Variants in ATP2B4 observed in about 807,000 individuals in gnomAD.
The protein encoded by ATP2B4 is ATPase plasma membrane Ca2+ transporting 4.
Under a neutral mutation model 110.3 loss-of-function variants are expected in ATP2B4, and 39 were observed. The observed-to-expected ratio is 0.35, with a 90% CI of 0.27 to 0.46. The LOEUF is 0.46. Among genes scored for constraint, ATP2B4 ranks in the 20% least tolerant of loss-of-function variants. The probability of loss-of-function intolerance (pLI) is 1.00; values close to 1 mark genes in which losing one functional copy is unlikely to be tolerated. For synonymous variants in ATP2B4, 538 were observed against 571.7 expected (o/e 0.94, Z 0.84); for missense variants, 1,135 against 1,530.9 (o/e 0.74, Z 4.32).
chr1:203,678,392 C>CT (rs35598967), intron 1 of ATP2B4, among the ~76,000 whole-genome samples: 7,942 of 100,152 alleles, frequency 0.079, 851 homozygotes, highest in African/African-American at 0.19. Context: ...TTTCTAGAGG[C>CT]TTTTTTTTTT....
At chr1:203,676,121 G>A (rs1368806852) in intron 1 of ATP2B4, among the ~76,000 whole-genome samples, 1 of 152,166 alleles carries the variant, frequency 6.6e-6, no homozygotes, top group African/African-American at 2.4e-5. Flanking sequence ...CTTGGGTGTG[G>A]CTGTCGGATG....
intron 1 of ATP2B4, among the ~76,000 whole-genome samples, chr1:203,679,038 G>C (rs1664916921): frequency 6.6e-6 from 1 of 152,008 alleles, no homozygotes; most frequent in Admixed American, 6.6e-5. Context: ...GAAGAGATGA[G>C]AGAGTTAGCT....
rs539238173 is a variant in ATP2B4, at chr1:203,677,830, G to A, written c.-464-4912G>A. On this transcript the variant is annotated intron_variant, in intron 1 of 20. Coordinates refer to ENST00000357681, the MANE Select transcript of ATP2B4 (RefSeq NM_001684.5). ...GGGACCAGGCTGCTTCCCCTCTCCA[G>A]AGGTCTTCCCTTCCTCACTCATCAA... 3.9e-4 allele frequency among the ~76,000 whole-genome samples: 60 copies of A among 152,326 alleles called. No individual in the cohort carries two copies. The Middle Eastern group carries it at 0.017, about 43-fold the overall frequency.
intron 11 of ATP2B4, 88 bp downstream of exon 11, chr1:203,709,630 G>A (rs1266429857): frequency 6.3e-7 from 1 of 1,574,888 alleles, no homozygotes; most frequent in Non-Finnish European, 8.6e-7. Flanking sequence ...CCATGTGAAT[G>A]AGGGAGCCCT....
chr1:203,723,895 A>G lies in ATP2B4; in HGVS notation c.3039A>G (p.Glu1013=). The G allele has an allele frequency of 6.2e-7, 1 of 1,606,436 alleles. No homozygotes were observed. The highest frequency in any genetic ancestry group is 1.7e-4 in the Middle Eastern group (1 of 6,042). Residue 1013 remains glutamate, a synonymous_variant, in exon 19 of 21, where the codon GAA becomes GAG. Transcript: ENST00000357681. ...GTFICQIFIV[E]FGGKPFSCTS... ...CTCTGTTCTAGATTTTCATCGTGGAATTTGGGGGTAAACCCTTCAGTTGTA... is the reference window on the plus strand; with the variant it reads ...CTCTGTTCTAGATTTTCATCGTGGAGTTTGGGGGTAAACCCTTCAGTTGTA...
intron 17 of ATP2B4, among the ~76,000 whole-genome samples, chr1:203,721,935 A>G (rs943879643): frequency 6.6e-6 from 1 of 152,114 alleles, no homozygotes; most frequent in Non-Finnish European, 1.5e-5. Context: ...TGCTGGGATT[A>G]CAGGCATGAG....
In ATP2B4 at chr1:203,721,335, T is replaced by C. The variant is rs759047656; in HGVS notation, c.2737T>C (p.Ser913Pro). 6.2e-7 allele frequency: 1 copy of C among 1,614,192 alleles called. No homozygotes were observed. Among genetic ancestry groups the C allele is most frequent in the Non-Finnish European group, 8.5e-7 (1 of 1,180,032 alleles). ...CTATGGCCGAAATAAGCCTCTGATC[T>C]CACGCACTATGATGAAGAACATCTT... Reference protein sequence around the residue: ...RPYGRNKPLISRTMMKNILGH... With the variant: ...RPYGRNKPLIPRTMMKNILGH... Residue 913 changes from serine (S) to proline (P), a missense_variant, in exon 17 of 21, where the codon TCA becomes CCA. This residue lies in a region of ATP2B4 where 155 missense variants were observed against 186.2 expected (regional missense o/e 0.83). Transcript: ENST00000357681.
rs1201292620 is a variant in ATP2B4 at position 203,677,746 on chromosome 1, G to A, written c.-464-4996G>A. 3.3e-5 allele frequency among the ~76,000 whole-genome samples: 5 copies of A among 152,324 alleles called. No individual in the cohort carries two copies. The East Asian group carries it at 9.6e-4, about 29-fold the overall frequency. Reference sequence around the variant, plus strand: ...CCCAAAGTGCTGGGATTACAAGCATGAGCCACCGCACCCGGCCCTGAAGCA... The same window carrying A: ...CCCAAAGTGCTGGGATTACAAGCATAAGCCACCGCACCCGGCCCTGAAGCA... On this transcript the variant is annotated intron_variant, in intron 1 of 20. Coordinates refer to ENST00000357681, the MANE Select transcript of ATP2B4 (RefSeq NM_001684.5).
intron 17 of ATP2B4, among the ~76,000 whole-genome samples, chr1:203,721,830 T>C (rs1298520758): frequency 6.6e-6 from 1 of 151,894 alleles, no homozygotes; most frequent in Non-Finnish European, 1.5e-5. Context: ...ACCCGGCTAC[T>C]TTTTGTATTT....
chr1:203,726,269 A>G (rs935117581), intron 19 of ATP2B4, among the ~76,000 whole-genome samples: 12 of 151,888 alleles, frequency 7.9e-5, no homozygotes, highest in African/African-American at 1.7e-4. Flanking sequence ...GGGTCTCACT[A>G]TGTTGCCAGG....
chr1:203,701,927 C>T (rs575807808), intron 6 of ATP2B4, 117 bp from the exon 7 acceptor site: 1 of 1,000,694 alleles, frequency 1.0e-6, no homozygotes, highest in East Asian at 2.5e-5. Context: ...ATGTCCCTTC[C>T]CTGCAACCCA....
intron 15 of ATP2B4, among the ~76,000 whole-genome samples, chr1:203,720,017 A>G (rs1380012067): frequency 6.6e-6 from 1 of 152,194 alleles, no homozygotes. Context: ...GCTTGCATTT[A>G]GCTGAGATCC....
chr1:203,638,418 G>A (rs1315568405), intron 1 of ATP2B4, among the ~76,000 whole-genome samples: 1 of 152,158 alleles, frequency 6.6e-6, no homozygotes, highest in Non-Finnish European at 1.5e-5. Flanking sequence ...GCACTCGTAC[G>A]ACATCTGTTA....
At position 203,725,355 on chromosome 1, in the gene ATP2B4, G is replaced by C. The variant is rs569659162; in HGVS notation, c.3132+1367G>C. Among the ~76,000 whole-genome samples, 3 of 152,178 alleles carry C rather than the reference G, an allele frequency of 2.0e-5. No individual in the cohort carries two copies. The East Asian group carries it at 5.8e-4, about 29-fold the overall frequency. ...GTAGAGACAGGGTTTCACCATGTTG[G>C]CTAGGCTGGTCTCAAACTCCTGATC... is the stretch of plus-strand genomic sequence containing the variant. On this transcript the variant is annotated intron_variant, in intron 19 of 20. Transcript: ENST00000357681.
chr1:203,700,289 C>T lies in ATP2B4; in HGVS notation c.733C>T (p.His245Tyr). The change falls in exon 5 of 21, where the codon CAT (histidine) becomes TAT (tyrosine). Residue 245 changes from histidine to tyrosine, a missense_variant. By Grantham distance (83) the His-to-Tyr change is moderately conservative. This residue lies in a region of ATP2B4 where 101 missense variants were observed against 182.6 expected (regional missense o/e 0.55). Transcript: ENST00000357681. ...GAGCTCTCTGACAGGGGAATCTGAC[C>T]ATGTCAAGAAGTCCCTGGACAAAGA... Reference protein sequence around the residue: ...DESSLTGESDHVKKSLDKDPM... With the variant: ...DESSLTGESDYVKKSLDKDPM... 6.2e-7 allele frequency: 1 copy of T among 1,613,918 alleles called. No homozygotes were observed. The highest frequency in any genetic ancestry group is 8.5e-7 in the Non-Finnish European group (1 of 1,179,892).
intron 1 of ATP2B4, among the ~76,000 whole-genome samples, chr1:203,642,981 C>G (rs1342573226): frequency 6.6e-6 from 1 of 152,126 alleles, no homozygotes; most frequent in African/African-American, 2.4e-5. Context: ...TTCCATGGAG[C>G]CTGGCACCAG....
At chr1:203,707,446 T>C (rs1219610580) in intron 9 of ATP2B4, among the ~76,000 whole-genome samples, 2 of 149,786 alleles carry the variant, frequency 1.3e-5, no homozygotes, top group Non-Finnish European at 2.9e-5. Context: ...AATGGTATCT[T>C]GGATTTTTTT....
chr1:203,673,275 G>T (rs1460070788), intron 1 of ATP2B4, among the ~76,000 whole-genome samples: 3 of 152,182 alleles, frequency 2.0e-5, no homozygotes, highest in African/African-American at 7.2e-5. Context: ...GGCCCAATAG[G>T]TTTGCCCCAG....
At chr1:203,692,074 G>A (rs1289643998) in intron 2 of ATP2B4, among the ~76,000 whole-genome samples, 1 of 151,820 alleles carries the variant, frequency 6.6e-6, no homozygotes, top group Admixed American at 6.6e-5. Context: ...TAGAGACGGG[G>A]TTTCACTGTG....
Sources: gnomAD v4.1 joint callset for allele counts (sites outside exome capture counted in the v4.1 genomes callset) on GRCh38, gnomAD v4.1.1 for gene constraint, gnomAD v4.1.1 regional missense constraint, MANE v1.5 for transcripts, NCBI Gene and HGNC (gene_info 2026-07-23, HGNC 2026-07-21) for gene names.